Variants in NRXN1 observed in about 807,000 individuals in gnomAD.
The protein encoded by NRXN1 is neurexin-1.
NRXN1 carries 39 observed loss-of-function variants against 150.9 expected under a neutral mutation model. The ratio of observed to expected loss-of-function variants is 0.26; its 90% CI spans 0.20 to 0.34. NRXN1 has a LOEUF of 0.34. NRXN1 is among the 10% of genes least tolerant of loss of function. The pLI, the probability that NRXN1 is intolerant of heterozygous loss-of-function variation, is 1.00. For synonymous variants in NRXN1, 924 were observed against 757.0 expected, an observed-to-expected ratio of 1.22 and a Z score of -3.62; for missense variants, 1,815 against 1,949.9, an observed-to-expected ratio of 0.93 and a Z score of 1.30.
At position 50,832,482 on chromosome 2, in the gene NRXN1, A is replaced by G. The variant is rs575996969; in HGVS notation, c.832+89387T>C. Among the ~76,000 whole-genome samples, 4 of 152,196 alleles carry G rather than the reference A, an allele frequency of 2.6e-5. No individual in the cohort carries two copies. In the East Asian group the frequency reaches 7.7e-4, roughly 29 times the overall value. Reference sequence around the variant, plus strand: ...CACCTGGCCAACATGGCGAAACCTCATCTCTACTAAAAATGTAAAAATCAG... The same window carrying G: ...CACCTGGCCAACATGGCGAAACCTCGTCTCTACTAAAAATGTAAAAATCAG... On this transcript the variant is annotated intron_variant, in intron 5 of 22. Coordinates refer to ENST00000401669, the MANE Select transcript of NRXN1 (RefSeq NM_001330078.2).
intron 13 of NRXN1, among the ~76,000 whole-genome samples, chr2:50,500,402 T>C (rs748282880): frequency 6.6e-5 from 10 of 152,160 alleles, no homozygotes; most frequent in Non-Finnish European, 1.5e-4. Flanking sequence ...TGGGGAGAAT[T>C]AGCCCCCAAA....
chr2:50,856,963 C>G (rs1162869552), intron 5 of NRXN1, among the ~76,000 whole-genome samples: 1 of 152,040 alleles, frequency 6.6e-6, no homozygotes, highest in African/African-American at 2.4e-5. Context: ...GCTCCAGATA[C>G]CACAAGAGAC....
chr2:50,162,064 G>C (rs1344507944), intron 18 of NRXN1, among the ~76,000 whole-genome samples: 3 of 152,090 alleles, frequency 2.0e-5, no homozygotes. Flanking sequence ...CCAGTAATTA[G>C]CCTGTGTTAA....
chr2:50,320,283 CATATATATAT>C (rs61282635), intron 17 of NRXN1, among the ~76,000 whole-genome samples: 1,287 of 42,984 alleles, frequency 0.03, 29 homozygotes, highest in Middle Eastern at 0.088. Context: ...ATACCTCAAT[CATATATATAT>C]ATATATATAT....
At chr2:50,494,819 G>T (rs1397875025) in intron 15 of NRXN1, among the ~76,000 whole-genome samples, 1 of 151,942 alleles carries the variant, frequency 6.6e-6, no homozygotes, top group Admixed American at 6.6e-5. Flanking sequence ...GATCACCTGA[G>T]GTCAGGAGTT....
chr2:50,553,446 A>G (rs1009241369), intron 8 of NRXN1, among the ~76,000 whole-genome samples: 2 of 152,216 alleles, frequency 1.3e-5, no homozygotes, highest in Non-Finnish European at 2.9e-5. Context: ...CCATCATTAA[A>G]GCATTTGAAA....
intron 17 of NRXN1, among the ~76,000 whole-genome samples, chr2:50,402,998 T>C (rs80327893): frequency 0.024 from 3,691 of 152,130 alleles, 140 homozygotes; most frequent in African/African-American, 0.083. Flanking sequence ...AGGGTGCGGA[T>C]TGGGGGAGAC....
At chr2:50,493,990 T>C (rs946714141) in intron 15 of NRXN1, among the ~76,000 whole-genome samples, 8 of 152,172 alleles carry the variant, frequency 5.3e-5, no homozygotes, top group African/African-American at 1.9e-4. Context: ...ACTTAATGCT[T>C]TAATAAAAAT....
chr2:50,552,762 T>C lies in NRXN1; in HGVS notation c.1584A>G (p.Lys528=), dbSNP rs1173569211. ...LFSHGKPRHQ[K]DAKHPQMIKV... is the part of the protein sequence containing the mutation. ...TTATCATCTGTGGGTGCTTGGCATC[T>C]TTCTGATGTCTTGGCTTGCCATGGC... Residue 528 remains lysine, a synonymous_variant, in exon 9 of 23, where the codon AAA becomes AAG. Coordinates refer to ENST00000401669, the MANE Select transcript of NRXN1 (RefSeq NM_001330078.2). 2.5e-6 allele frequency: 4 copies of C among 1,614,012 alleles called. No individual in the cohort carries two copies. Among genetic ancestry groups the C allele is most frequent in the East Asian group, 2.2e-5 (1 of 44,870 alleles).
Position 51,028,445 on chromosome 2 carries a change from A to C in NRXN1, c.-172T>G. 2.2e-6 allele frequency: 1 copy of C among 444,878 alleles called. No individual in the cohort carries two copies. Among genetic ancestry groups the C allele is most frequent in the Non-Finnish European group, 3.9e-6 (1 of 256,246 alleles). The allele number at this position is 444,878 out of a possible 1,614,324, so 27.6% of individuals were successfully genotyped here. On this transcript the variant is annotated 5_prime_UTR_variant, in exon 2 of 23. Transcript: ENST00000401669. ...TTCTTTTTTTCTTCTTCTTCTTCCA[A>C]TAACCCCGCCCTCTCTCCCTGTAGT...
intron 16 of NRXN1, among the ~76,000 whole-genome samples, chr2:50,470,419 A>C (rs556793562): frequency 6.6e-6 from 1 of 151,814 alleles, no homozygotes; most frequent in Non-Finnish European, 1.5e-5. Flanking sequence ...AATGAACTCA[A>C]CAACACCTTC....
intron 5 of NRXN1, among the ~76,000 whole-genome samples, chr2:50,906,322 T>C (rs189955661): frequency 1.6e-4 from 25 of 152,256 alleles, no homozygotes; most frequent in Admixed American, 1.5e-3. Context: ...TAATCCATAC[T>C]ATAAATGACA....
At chr2:50,869,890 AT>A (rs1677503325) in intron 5 of NRXN1, among the ~76,000 whole-genome samples, 1 of 151,890 alleles carries the variant, frequency 6.6e-6, no homozygotes, top group Non-Finnish European at 1.5e-5. Flanking sequence ...TAAATACATC[AT>A]TCATTTATTG....
At chr2:50,808,765 C>G (rs1445659893) in intron 5 of NRXN1, among the ~76,000 whole-genome samples, 1 of 152,122 alleles carries the variant, frequency 6.6e-6, no homozygotes, top group Non-Finnish European at 1.5e-5. Flanking sequence ...ACGATTTACT[C>G]AGGTAACTAA....
rs1363193919 is a variant in NRXN1, at chr2:49,997,258, G to T, written c.4129-53467C>A. On this transcript the variant is annotated intron_variant, in intron 21 of 22. Coordinates refer to ENST00000401669, the MANE Select transcript of NRXN1 (RefSeq NM_001330078.2). ...AAAATTTATTATAGCTCACAAAAGA[G>T]AATCATTGAAGTGTGACTATTGACC... Among the ~76,000 whole-genome samples, 3 of 152,036 alleles carry T rather than the reference G, an allele frequency of 2.0e-5. No homozygotes were observed. In the East Asian group the frequency reaches 5.8e-4, roughly 29 times the overall value.
rs796381866 is a variant in NRXN1, at chr2:50,798,378, T to C, written c.832+123491A>G. On this transcript the variant is annotated intron_variant, in intron 5 of 22. Transcript: ENST00000401669. Reference sequence around the variant, plus strand: ...CTTTTTAAGTCTGCTTTTTCAAGTATTAGAGTACTCATAAATATTTCAGAA... The same window carrying C: ...CTTTTTAAGTCTGCTTTTTCAAGTACTAGAGTACTCATAAATATTTCAGAA... Among the ~76,000 whole-genome samples the C allele has an allele frequency of 5.3e-5, 8 of 152,324 alleles. 1 individual carries two copies. Among genetic ancestry groups the C allele is most frequent in the African/African-American group, 1.9e-4 (8 of 41,578 alleles).
At chr2:50,532,714 A>T (rs183919171) in intron 10 of NRXN1, among the ~76,000 whole-genome samples, 185 of 152,280 alleles carry the variant, frequency 1.2e-3, no homozygotes, top group African/African-American at 4.1e-3. Context: ...GGCAGATGGC[A>T]TCAGTAGGGA....
chr2:50,412,335 A>T (rs7423466), intron 17 of NRXN1, among the ~76,000 whole-genome samples: 1 of 38,990 alleles, frequency 2.6e-5, no homozygotes, highest in African/African-American at 4.8e-4. Context: ...AATAAAAAAT[A>T]AAAAAAATAA....
At chr2:50,670,660 C>T (rs564189814) in intron 5 of NRXN1, among the ~76,000 whole-genome samples, 1 of 152,014 alleles carries the variant, frequency 6.6e-6, no homozygotes, top group African/African-American at 2.4e-5. Flanking sequence ...AATTTAGGAT[C>T]GTACCTCACA....
Sources: allele counts gnomAD v4.1 joint callset (sites outside exome capture counted in the v4.1 genomes callset), GRCh38; gene constraint gnomAD v4.1.1; transcripts MANE v1.5; gene names NCBI Gene and HGNC (gene_info 2026-07-23, HGNC 2026-07-21).